The following ZFAND3 variants were observed in gnomAD, a reference collection of about 807,000 sequenced individuals.
ZFAND3 encodes zinc finger AN1-type containing 3.
Under a neutral mutation model 29.6 loss-of-function variants are expected in ZFAND3, and 10 were observed. That is an observed-to-expected ratio of 0.34 (90% CI 0.21 to 0.57). The LOEUF (loss-of-function observed/expected upper bound fraction) is 0.57. Ranked by LOEUF, ZFAND3 falls within the 20% of genes least tolerant of loss-of-function variation. ZFAND3 has a pLI of 0.86. For synonymous variants in ZFAND3, 128 were observed against 112.6 expected (o/e 1.14, Z -0.87); for missense variants, 230 against 304.5 (o/e 0.76, Z 1.82).
intron 2 of ZFAND3, among the ~76,000 whole-genome samples, chr6:37,955,391 G>A (rs1018335751): frequency 6.6e-6 from 1 of 152,124 alleles, no homozygotes; most frequent in Non-Finnish European, 1.5e-5. Flanking sequence ...CCAAAGTTTG[G>A]TTGCTTTTTA....
intron 2 of ZFAND3, among the ~76,000 whole-genome samples, chr6:37,945,873 C>A (rs951391518): frequency 2.0e-5 from 3 of 152,192 alleles, no homozygotes; most frequent in East Asian, 1.9e-4. Context: ...ACAGCTCTTG[C>A]TTGAGTGCTT....
intron 2 of ZFAND3, among the ~76,000 whole-genome samples, chr6:37,966,727 C>T (rs1762299677): frequency 6.6e-6 from 1 of 152,058 alleles, no homozygotes; most frequent in African/African-American, 2.4e-5. Context: ...GTAACTAAAA[C>T]AAAATGTCCA....
chr6:38,082,745 A>G lies in ZFAND3; in HGVS notation c.361+288A>G, dbSNP rs1312009724. 2.0e-5 allele frequency among the ~76,000 whole-genome samples: 3 copies of G among 152,110 alleles called. No homozygotes were observed. The East Asian group carries it at 5.8e-4, about 29-fold the overall frequency. On this transcript the variant is annotated intron_variant, in intron 4 of 5. Coordinates refer to ENST00000287218, the MANE Select transcript of ZFAND3 (RefSeq NM_021943.3). ...TTAAGACACAACAGAAATGCAGATC[A>G]TTGCCCAGTTTGTAGCATGTAACTA...
chr6:37,958,346 C>T (rs796066351), intron 2 of ZFAND3, among the ~76,000 whole-genome samples: 8 of 149,718 alleles, frequency 5.3e-5, no homozygotes, highest in South Asian at 2.1e-4. Context: ...CCCAGCTCCT[C>T]GGGAGGCTGA....
At chr6:38,114,982 A>G (rs1049954014) in intron 4 of ZFAND3, among the ~76,000 whole-genome samples, 3 of 152,230 alleles carry the variant, frequency 2.0e-5, no homozygotes, top group Non-Finnish European at 4.4e-5. Flanking sequence ...GACGAGGGGA[A>G]GTGCTAAGAA....
rs976099423 is a variant in ZFAND3 at position 38,153,683 on chromosome 6, T to A, written c.*1294T>A. 27 of 974,584 alleles carry A rather than the reference T, an allele frequency of 2.8e-5. No individual in the cohort carries two copies. Among genetic ancestry groups the A allele is most frequent in the Non-Finnish European group, 2.8e-5 (23 of 821,604 alleles). The allele number at this position is 974,584 out of a possible 1,614,324, so 60.4% of individuals were successfully genotyped here. The stretch of plus-strand genomic sequence containing the variant: ...CACGCCAGGTGGGGAAGGGTGGGGG[T>A]GGGCCTGGTTGCCCCATGTTAGGAA... On this transcript the variant is annotated 3_prime_UTR_variant, in exon 6 of 6. Transcript: ENST00000287218.
intron 5 of ZFAND3, among the ~76,000 whole-genome samples, chr6:38,123,470 A>G (rs143714139): frequency 6.6e-6 from 1 of 152,352 alleles, no homozygotes; most frequent in East Asian, 1.9e-4. Flanking sequence ...AAAAAGCCTT[A>G]TTCTGTTCAC....
intron 2 of ZFAND3, among the ~76,000 whole-genome samples, chr6:37,986,515 T>C (rs897265750): frequency 6.6e-6 from 1 of 152,124 alleles, no homozygotes; most frequent in African/African-American, 2.4e-5. Flanking sequence ...TAACCACCAG[T>C]TTTCTTGTGA....
chr6:37,964,273 T>C (rs1267200827), intron 2 of ZFAND3, among the ~76,000 whole-genome samples: 2 of 152,218 alleles, frequency 1.3e-5, no homozygotes, highest in African/African-American at 4.8e-5. Flanking sequence ...CTGTATCACA[T>C]GACTACCCTA....
chr6:37,957,983 A>G (rs1283036278), intron 2 of ZFAND3, among the ~76,000 whole-genome samples: 2 of 152,228 alleles, frequency 1.3e-5, no homozygotes, highest in African/African-American at 4.8e-5. Context: ...GAGGGACTGG[A>G]CCAGATCAAT....
At chr6:37,893,248 AAGTG>A (rs1293607611) in intron 1 of ZFAND3, among the ~76,000 whole-genome samples, 1 of 152,260 alleles carries the variant, frequency 6.6e-6, no homozygotes, top group African/African-American at 2.4e-5. Context: ...TCCCATGACT[AAGTG>A]AGATAATCTC....
rs528994879 is a variant in ZFAND3 at position 37,825,520 on chromosome 6, A to AT, written c.71+5515dup. ...TGATGTGATGGAACACAGGGAAATA[A>AT]TTTTTTTTTTTAATTTAAAGAAACA... On this transcript the variant is annotated intron_variant, in intron 1 of 5. Transcript: ENST00000287218. Among the ~76,000 whole-genome samples the AT allele has an allele frequency of 6.3e-3, 935 of 149,126 alleles. 5 individuals are homozygous for AT. Among genetic ancestry groups the AT allele is most frequent in the African/African-American group, 0.012 (474 of 40,814 alleles).
intron 2 of ZFAND3, among the ~76,000 whole-genome samples, chr6:37,961,033 G>T (rs183523111): frequency 2.3e-4 from 35 of 152,262 alleles, no homozygotes; most frequent in African/African-American, 7.2e-4. Context: ...TGTGATTGCA[G>T]TACTACATTC....
chr6:37,948,880 A>C (rs1023327733), intron 2 of ZFAND3, among the ~76,000 whole-genome samples: 1 of 152,106 alleles, frequency 6.6e-6, no homozygotes, highest in Non-Finnish European at 1.5e-5. Context: ...GGTTGATTCC[A>C]TGTCTTTGCT....
intron 1 of ZFAND3, among the ~76,000 whole-genome samples, chr6:37,896,608 CTTTCTTTCT>C (rs1007342377): frequency 6.0e-5 from 8 of 133,624 alleles, no homozygotes; most frequent in East Asian, 2.1e-4. Context: ...TTCTCTCTCT[CTTTCTTTCT>C]TTTCTTTCTT....
intron 1 of ZFAND3, among the ~76,000 whole-genome samples, chr6:37,927,753 T>C (rs1761515480): frequency 6.6e-6 from 1 of 152,226 alleles, no homozygotes; most frequent in Admixed American, 6.5e-5. Context: ...TGACTTGATT[T>C]CCATAGACAT....
intron 2 of ZFAND3, among the ~76,000 whole-genome samples, chr6:37,948,705 G>A (rs1761943579): frequency 2.0e-5 from 3 of 152,164 alleles, no homozygotes; most frequent in Admixed American, 2.0e-4. Flanking sequence ...GAGAACATGT[G>A]GTATTTCGTT....
rs953503152 is a variant in ZFAND3 at position 37,820,076 on chromosome 6, G to T, written c.71+60G>T. 8 of 1,178,356 alleles carry T rather than the reference G, an allele frequency of 6.8e-6. No homozygotes were observed. In the African/African-American group the frequency reaches 8.0e-5, roughly 12 times the overall value. 73.0% of individuals were successfully genotyped at this position (1,178,356 alleles called of 1,614,324 possible). On this transcript the variant is annotated intron_variant, in intron 1 of 5. Coordinates refer to ENST00000287218, the MANE Select transcript of ZFAND3 (RefSeq NM_021943.3). Reference sequence around the variant, plus strand: ...GGCCGGGGGCGCAGACGCCAGGGCAGCCTGGGCAGGCCTCGGGGCCCGGGA... The same window carrying T: ...GGCCGGGGGCGCAGACGCCAGGGCATCCTGGGCAGGCCTCGGGGCCCGGGA...
At chr6:38,090,290 T>G (rs1462229391) in intron 4 of ZFAND3, among the ~76,000 whole-genome samples, 1 of 152,246 alleles carries the variant, frequency 6.6e-6, no homozygotes, top group African/African-American at 2.4e-5. Flanking sequence ...GACCTACTTA[T>G]GTAATATGCA....
Sources: gnomAD v4.1 joint callset for allele counts (sites outside exome capture counted in the v4.1 genomes callset) on GRCh38, gnomAD v4.1.1 for gene constraint, MANE v1.5 for transcripts, NCBI Gene and HGNC (gene_info 2026-07-23, HGNC 2026-07-21) for gene names.